The following CATSPERE variants were observed in gnomAD, a reference collection of about 807,000 sequenced individuals.
CATSPERE encodes catsper channel auxiliary subunit epsilon.
In CATSPERE, 93 loss-of-function variants were observed where a neutral mutation model predicts 114.1. The observed-to-expected ratio is 0.81, with a 90% confidence interval of 0.69 to 0.97. CATSPERE has a LOEUF of 0.97. Ranked by LOEUF, CATSPERE falls within the 50% of genes least tolerant of loss-of-function variation. CATSPERE has a pLI of 0.00. For missense variants in CATSPERE, 1,058 were observed against 1,131.6 expected (o/e 0.93, Z 0.93); for synonymous variants, 341 against 384.1 (o/e 0.89, Z 1.31).
In CATSPERE at chr1:244,591,737, A is replaced by G; in HGVS notation, c.2189+6A>G. 3 of 1,491,926 alleles carry G rather than the reference A, an allele frequency of 2.0e-6. No homozygotes were observed. The highest frequency in any genetic ancestry group is 2.8e-6 in the Non-Finnish European group (3 of 1,075,936). 92.4% of individuals were successfully genotyped at this position (1,491,926 alleles called of 1,614,324 possible). A position where few individuals can be genotyped will look rare whatever the true frequency, so the allele number is the denominator to read the frequency against. ...TTTTCATACGTGATTGAAAAGTAAGAAATTTTTTAACATAAGCACTGAGTT... is the reference window on the plus strand; with the variant it reads ...TTTTCATACGTGATTGAAAAGTAAGGAATTTTTTAACATAAGCACTGAGTT... On this transcript the variant is annotated splice_donor_region_variant and intron_variant, in intron 15 of 21. Coordinates refer to ENST00000366534, the MANE Select transcript of CATSPERE (RefSeq NM_001130957.2).
intron 13 of CATSPERE, among the ~76,000 whole-genome samples, chr1:244,585,825 G>T (rs575938772): frequency 6.6e-6 from 1 of 152,240 alleles, no homozygotes; most frequent in Non-Finnish European, 1.5e-5. Flanking sequence ...CAACAAGGCT[G>T]CATCTCACTT....
At chr1:244,583,425 T>C (rs1364403380) in intron 12 of CATSPERE, among the ~76,000 whole-genome samples, 1 of 152,112 alleles carries the variant, frequency 6.6e-6, no homozygotes, top group Non-Finnish European at 1.5e-5. Flanking sequence ...ATTTTACAAC[T>C]CACTCTTTAT....
Position 244,633,215 on chromosome 1 carries a change from G to T in CATSPERE, c.2649-2274G>T, listed in dbSNP as rs1022815538. The stretch of plus-strand genomic sequence containing the variant: ...TTCTCAGAAATTGATAGGACAAGTA[G>T]AGAGAAAATCAGTAAGGATACAGAA... On this transcript the variant is annotated intron_variant, in intron 20 of 21. Coordinates refer to ENST00000366534, the MANE Select transcript of CATSPERE (RefSeq NM_001130957.2). The surrounding 1 kb of genome is among the most constrained non-coding windows in gnomAD (Gnocchi z 4.1). Among the ~76,000 whole-genome samples the T allele has an allele frequency of 1.3e-5, 2 of 152,348 alleles. No homozygotes were observed. The highest frequency in any genetic ancestry group is 6.8e-3 in the Middle Eastern group (2 of 294).
At chr1:244,507,939 TTTG>T (rs1283268250) in intron 7 of CATSPERE, among the ~76,000 whole-genome samples, 1 of 152,202 alleles carries the variant, frequency 6.6e-6, no homozygotes, top group African/African-American at 2.4e-5. Context: ...TCATTATTGT[TTTG>T]GCTACTTGGG....
chr1:244,530,815 T>A (rs1156872264), intron 8 of CATSPERE, among the ~76,000 whole-genome samples: 1 of 152,186 alleles, frequency 6.6e-6, no homozygotes, highest in Non-Finnish European at 1.5e-5. Flanking sequence ...TCAGATTGTT[T>A]GCTCTTGGCA....
At chr1:244,552,064 CAAAAAAAAAAAA>C (rs33962480) in intron 8 of CATSPERE, among the ~76,000 whole-genome samples, 1 of 61,354 alleles carries the variant, frequency 1.6e-5, no homozygotes, top group African/African-American at 6.2e-5. Flanking sequence ...ACTCTGTCTC[CAAAAAAAAAAAA>C]AAAAAAAAAA....
chr1:244,586,798 A>G (rs751480832), intron 13 of CATSPERE, among the ~76,000 whole-genome samples: 5 of 152,130 alleles, frequency 3.3e-5, no homozygotes, highest in Non-Finnish European at 5.9e-5. Flanking sequence ...CCCTGTTGAG[A>G]CAGCCTGCTG....
intron 20 of CATSPERE, among the ~76,000 whole-genome samples, chr1:244,621,256 G>GATATATCTATATAA (rs1672293102): frequency 1.4e-4 from 3 of 21,504 alleles, no homozygotes; most frequent in African/African-American, 5.2e-4. Flanking sequence ...TATTTATATA[G>GATATATCTATATAA]ATATATTTAT....
intron 13 of CATSPERE, among the ~76,000 whole-genome samples, chr1:244,586,280 C>G (rs6669635): frequency 0.17 from 25,494 of 152,106 alleles, 2,915 homozygotes; most frequent in East Asian, 0.39. Flanking sequence ...AGCCATGGTG[C>G]TTGATCCTGA....
At chr1:244,619,450 C>T (rs1671812145) in intron 20 of CATSPERE, among the ~76,000 whole-genome samples, 1 of 152,180 alleles carries the variant, frequency 6.6e-6, no homozygotes, top group African/African-American at 2.4e-5. Flanking sequence ...TCATGATAAT[C>T]AATGCAGGAT....
intron 5 of CATSPERE, among the ~76,000 whole-genome samples, chr1:244,485,715 T>G (rs78587830): frequency 6.8e-6 from 1 of 146,808 alleles, no homozygotes; most frequent in Non-Finnish European, 1.5e-5. Flanking sequence ...TTTTTTTTTT[T>G]GAGATAGGAT....
intron 20 of CATSPERE, among the ~76,000 whole-genome samples, chr1:244,630,383 A>G (rs987503960): frequency 6.6e-6 from 1 of 152,236 alleles, no homozygotes; most frequent in Admixed American, 6.5e-5. Context: ...AGGTTGGAAT[A>G]GCAGTTTGTT....
At chr1:244,508,085 T>A (rs1675089040) in intron 7 of CATSPERE, among the ~76,000 whole-genome samples, 1 of 152,110 alleles carries the variant, frequency 6.6e-6, no homozygotes. Context: ...ACAATATTAA[T>A]TGGTCTGATA....
At chr1:244,523,514 G>A (rs1455890981) in intron 8 of CATSPERE, among the ~76,000 whole-genome samples, 54 of 138,330 alleles carry the variant, frequency 3.9e-4, no homozygotes, top group African/African-American at 1.5e-3. Context: ...AGGAAATAAA[G>A]GGTATTCAAT....
intron 7 of CATSPERE, chr1:244,515,440 C>A: frequency 2.8e-6 from 1 of 355,700 alleles, no homozygotes; most frequent in Non-Finnish European, 3.9e-6. Context: ...GCTTCTCAGA[C>A]AACTGGAAGT....
intron 13 of CATSPERE, among the ~76,000 whole-genome samples, chr1:244,587,731 T>C (rs1296188109): frequency 2.0e-5 from 3 of 152,180 alleles, no homozygotes; most frequent in Non-Finnish European, 4.4e-5. Context: ...ATAACAATAG[T>C]AAGATGCTAT....
intron 6 of CATSPERE, among the ~76,000 whole-genome samples, chr1:244,497,076 T>G (rs997511622): frequency 6.6e-6 from 1 of 152,134 alleles, no homozygotes; most frequent in Non-Finnish European, 1.5e-5. Context: ...TACACCAAAA[T>G]AAATTCAAAA....
chr1:244,617,706 T>C lies in CATSPERE; in HGVS notation c.2648+20T>C. The C allele has an allele frequency of 6.6e-7, 1 of 1,503,788 alleles. No homozygotes were observed. The allele number at this position is 1,503,788 out of a possible 1,614,324, so 93.2% of individuals were successfully genotyped here. ...CTATAGGTGAATATATGTGTTACTG[T>C]AATAGTGTTAGCATTAGTTCTTCAA... On this transcript the variant is annotated intron_variant, in intron 20 of 21. Coordinates refer to ENST00000366534, the MANE Select transcript of CATSPERE (RefSeq NM_001130957.2).
chr1:244,620,579 T>C (rs1217922918), intron 20 of CATSPERE, among the ~76,000 whole-genome samples: 1 of 152,192 alleles, frequency 6.6e-6, no homozygotes, highest in African/African-American at 2.4e-5. Flanking sequence ...AAGAACATCA[T>C]TTTATAGGCT....
Sources: gnomAD v4.1 joint callset for allele counts (sites outside exome capture counted in the v4.1 genomes callset) on GRCh38, gnomAD v4.1.1 for gene constraint, Gnocchi (gnomAD v3.1) non-coding constraint, MANE v1.5 for transcripts, NCBI Gene and HGNC (gene_info 2026-07-23, HGNC 2026-07-21) for gene names.